Variants in AHCYL2 observed in about 807,000 individuals in gnomAD.
AHCYL2 encodes the protein S-adenosylhomocysteine hydrolase-like protein 2.
A neutral mutation model predicts 81.4 loss-of-function variants in AHCYL2; 28 were observed. That is an observed-to-expected ratio of 0.34 (90% CI 0.25 to 0.47). The LOEUF is 0.47. AHCYL2 is among the 20% of genes least tolerant of loss of function. The probability of loss-of-function intolerance (pLI) is 1.00; values close to 1 mark genes in which losing one functional copy is unlikely to be tolerated. For synonymous variants in AHCYL2, 272 were observed against 290.2 expected (o/e 0.94, Z 0.64); for missense variants, 551 against 785.1 (o/e 0.70, Z 3.56).
chr7:129,388,938 G>A, intron 2 of AHCYL2, 118 bp from the exon 3 acceptor site: 1 of 1,185,450 alleles, frequency 8.4e-7, no homozygotes, highest in South Asian at 1.6e-5. Context: ...GTACTTAACA[G>A]AGGTAAAAAA....
At chr7:129,361,298 T>C (rs1793922506) in intron 1 of AHCYL2, among the ~76,000 whole-genome samples, 1 of 152,204 alleles carries the variant, frequency 6.6e-6, no homozygotes. Flanking sequence ...TCCCCGCTTA[T>C]CCTTTACCTT....
chr7:129,398,737 A>C (rs560240375), intron 5 of AHCYL2, among the ~76,000 whole-genome samples: 11 of 152,224 alleles, frequency 7.2e-5, no homozygotes, highest in Middle Eastern at 3.4e-3. Flanking sequence ...TGTAAGGGCA[A>C]ATGAGACAAT....
At chr7:129,327,729 G>A (rs1798272580) in intron 1 of AHCYL2, among the ~76,000 whole-genome samples, 1 of 152,094 alleles carries the variant, frequency 6.6e-6, no homozygotes, top group Admixed American at 6.6e-5. Context: ...CTCCCAAAGT[G>A]CTGAGATTAC....
chr7:129,301,403 G>A (rs181959185), intron 1 of AHCYL2, among the ~76,000 whole-genome samples: 1 of 152,258 alleles, frequency 6.6e-6, no homozygotes, highest in East Asian at 1.9e-4. Flanking sequence ...TGGTTCCTGT[G>A]CTTGTGGGGT....
At position 129,426,942 on chromosome 7, in the gene AHCYL2, T is replaced by G. The variant is rs1797390848; in HGVS notation, c.1830-97T>G. The G allele has an allele frequency of 3.1e-6, 4 of 1,278,970 alleles. No homozygotes were observed. Among genetic ancestry groups the G allele is most frequent in the Non-Finnish European group, 4.5e-6 (4 of 892,934 alleles). 79.2% of individuals were successfully genotyped at this position (1,278,970 alleles called of 1,614,324 possible). Reference sequence around the variant, plus strand: ...CCTGTCACTGTACACTCCAGAAAAGTCTCTGCCTCCCTGTTACACCTTTAG... The same window carrying G: ...CCTGTCACTGTACACTCCAGAAAAGGCTCTGCCTCCCTGTTACACCTTTAG... On this transcript the variant is annotated intron_variant, in intron 16 of 16. Coordinates refer to ENST00000325006, the MANE Select transcript of AHCYL2 (RefSeq NM_015328.4). This position sits in a 1 kb window ranked among gnomAD's most constrained non-coding sequence, Gnocchi z 4.3.
At chr7:129,322,147 T>TTTTG (rs760912107) in intron 1 of AHCYL2, among the ~76,000 whole-genome samples, 23 of 151,518 alleles carry the variant, frequency 1.5e-4, no homozygotes, top group African/African-American at 2.2e-4. Context: ...AGGTAAGGTT[T>TTTTG]TTTGTTTGTT....
intron 1 of AHCYL2, among the ~76,000 whole-genome samples, chr7:129,316,897 C>A: frequency 6.6e-6 from 1 of 152,176 alleles, no homozygotes; most frequent in East Asian, 1.9e-4. Flanking sequence ...AAACATATAT[C>A]CTTGAGTCGG....
Position 129,261,397 on chromosome 7 carries a change from A to G in AHCYL2, c.363+35958A>G, listed in dbSNP as rs185860014. On this transcript the variant is annotated intron_variant, in intron 1 of 16. Transcript: ENST00000325006. ...AGTTACTTCTTTCCAGATTTACATT[A>G]AACAATTGATTAATAATCTTAGAAT... Among the ~76,000 whole-genome samples, 13 of 152,346 alleles carry G rather than the reference A, an allele frequency of 8.5e-5. No homozygotes were observed. In the East Asian group the frequency reaches 1.9e-3, roughly 23 times the overall value.
chr7:129,320,117 A>G (rs1020841067), intron 1 of AHCYL2, among the ~76,000 whole-genome samples: 3 of 152,160 alleles, frequency 2.0e-5, no homozygotes. Context: ...CAATTCCATA[A>G]TGTCTGATGA....
chr7:129,312,192 C>T (rs1797682640), intron 1 of AHCYL2, among the ~76,000 whole-genome samples: 1 of 152,110 alleles, frequency 6.6e-6, no homozygotes, highest in Non-Finnish European at 1.5e-5. Flanking sequence ...TTAAGTGATT[C>T]TCTCAGCTCA....
At chr7:129,333,309 A>C (rs80090657) in intron 1 of AHCYL2, among the ~76,000 whole-genome samples, 6 of 117,734 alleles carry the variant, frequency 5.1e-5, no homozygotes, top group African/African-American at 1.5e-4. Context: ...ATCTCTACCC[A>C]AAAAAAAAAA....
intron 1 of AHCYL2, among the ~76,000 whole-genome samples, chr7:129,273,141 A>C (rs1223152398): frequency 6.6e-6 from 1 of 151,946 alleles, no homozygotes. Context: ...AGCTCAAGTG[A>C]TCCATCCGCC....
At chr7:129,274,089 A>G (rs925331677) in intron 1 of AHCYL2, among the ~76,000 whole-genome samples, 11 of 152,154 alleles carry the variant, frequency 7.2e-5, no homozygotes, top group African/African-American at 2.4e-4. Context: ...TAATAGAGGA[A>G]CTGGTGATAT....
intron 2 of AHCYL2, among the ~76,000 whole-genome samples, chr7:129,386,475 A>G (rs1004924714): frequency 5.3e-5 from 8 of 151,424 alleles, no homozygotes; most frequent in Non-Finnish European, 8.8e-5. Context: ...AAAAAAAAAA[A>G]GGGATCTTTG....
At chr7:129,375,529 C>T (rs779701007) in intron 1 of AHCYL2, 21 of 846,086 alleles carry the variant, frequency 2.5e-5, no homozygotes, top group African/African-American at 1.9e-4. Flanking sequence ...TATTGTTATG[C>T]GCATGCAAGT....
chr7:129,402,940 T>C (rs2150933127), intron 6 of AHCYL2, among the ~76,000 whole-genome samples: 1 of 152,312 alleles, frequency 6.6e-6, no homozygotes, highest in South Asian at 2.1e-4. Flanking sequence ...ATTTTTCTTT[T>C]TTTTCTCAAG....
At chr7:129,425,176 A>C (rs1797304576) in intron 15 of AHCYL2, 35 bp downstream of exon 15, 1 of 1,588,724 alleles carries the variant, frequency 6.3e-7, no homozygotes, top group Non-Finnish European at 8.6e-7. Context: ...ATCCTTACCA[A>C]AGTAGTTCAG....
intron 1 of AHCYL2, among the ~76,000 whole-genome samples, chr7:129,274,556 C>T (rs905317043): frequency 1.3e-5 from 2 of 152,152 alleles, no homozygotes; most frequent in African/African-American, 4.8e-5. Flanking sequence ...TTTCCCTTGT[C>T]CCCTTGAATC....
intron 1 of AHCYL2, among the ~76,000 whole-genome samples, chr7:129,347,340 C>T (rs538538738): frequency 6.6e-6 from 1 of 152,166 alleles, no homozygotes; most frequent in South Asian, 2.1e-4. Context: ...AGATGTACCA[C>T]TCTGGTGCAG....
Sources: gnomAD v4.1 joint callset for allele counts (sites outside exome capture counted in the v4.1 genomes callset) on GRCh38, gnomAD v4.1.1 for gene constraint, Gnocchi (gnomAD v3.1) non-coding constraint, MANE v1.5 for transcripts, NCBI Gene and HGNC (gene_info 2026-07-23, HGNC 2026-07-21) for gene names.